C2orf69: variants seen among roughly 807,000 people sequenced by gnomAD.
C2orf69 encodes chromosome 2 open reading frame 69.
A neutral mutation model predicts 29.5 loss-of-function variants in C2orf69; 19 were observed. That is an observed-to-expected ratio of 0.65 (90% CI 0.45 to 0.95). The LOEUF (loss-of-function observed/expected upper bound fraction) is 0.95, where lower values mean the gene tolerates loss of function less well. Ranked by LOEUF, C2orf69 falls within the 40% of genes least tolerant of loss-of-function variation. C2orf69 has a pLI of 0.00. For synonymous variants in C2orf69, 194 were observed against 180.0 expected (o/e 1.08, Z -0.62); for missense variants, 416 against 482.1 (o/e 0.86, Z 1.28).
chr2:199,919,824 C>T (rs923592466), intron 1 of C2orf69, among the ~76,000 whole-genome samples: 1 of 152,204 alleles, frequency 6.6e-6, no homozygotes, highest in African/African-American at 2.4e-5. Context: ...ACATTCAAAC[C>T]GTAGCAGAAG....
chr2:199,925,412 T>A lies in C2orf69; in HGVS notation c.684T>A (p.Asn228Lys). Residue 228 changes from asparagine to lysine, a missense_variant, in exon 2 of 2, where the codon AAT becomes AAA. This residue lies in a region of C2orf69 where 225 missense variants were observed against 307.3 expected (regional missense o/e 0.73). Coordinates refer to ENST00000319974, the MANE Select transcript of C2orf69 (RefSeq NM_153689.6). The surrounding 1 kb of genome is among the most constrained non-coding windows in gnomAD (Gnocchi z 4.9). ...GATCCAGTCCTTCTCATACTACGAA[T>A]GGTTGCCAGGGAGAAAAAGTGAGGA... ...NCRSSPSHTT[N>K]GCQGEKVRTC... 6.2e-7 allele frequency: 1 copy of A among 1,613,840 alleles called. No homozygotes were observed. The highest frequency in any genetic ancestry group is 1.3e-5 in the African/African-American group (1 of 75,058).
rs1204266288 is a variant in C2orf69, at chr2:199,927,356, C to G, written c.*1470C>G. The G allele has an allele frequency of 6.8e-6, 1 of 148,108 alleles. No individual in the cohort carries two copies. The highest frequency in any genetic ancestry group is 1.5e-5 in the Non-Finnish European group (1 of 67,190). 9.2% of individuals were successfully genotyped at this position (148,108 alleles called of 1,614,324 possible). On this transcript the variant is annotated 3_prime_UTR_variant, in exon 2 of 2. Coordinates refer to ENST00000319974, the MANE Select transcript of C2orf69 (RefSeq NM_153689.6). ...CACTGAAGCTTAATACCTTAATGACCCAGAAGACCTAGATTTATAAAGCCA... is the reference window on the plus strand; with the variant it reads ...CACTGAAGCTTAATACCTTAATGACGCAGAAGACCTAGATTTATAAAGCCA...
In C2orf69 at chr2:199,926,083, T is replaced by C. The variant is rs891228194; in HGVS notation, c.*197T>C. ...GAATGTGAGCAGTTATTAATTTGGA[T>C]TGAGTTAGAATTAGTTAATTTGAAA... On this transcript the variant is annotated 3_prime_UTR_variant, in exon 2 of 2. Transcript: ENST00000319974. The C allele has an allele frequency of 2.6e-5, 14 of 530,856 alleles. No homozygotes were observed. Among genetic ancestry groups the C allele is most frequent in the Middle Eastern group, 4.9e-4 (1 of 2,048 alleles). The allele number at this position is 530,856 out of a possible 1,614,324, so 32.9% of individuals were successfully genotyped here.
chr2:199,911,463 TCGCCGCCGTTGCTGCTCCTGCTGC>T lies in C2orf69; in HGVS notation c.29_52del (p.Pro10_Pro17del), dbSNP rs1218170590. On this transcript the variant is annotated inframe_deletion, in exon 1 of 2. Transcript: ENST00000319974. ...CATGTGGGGGTTCAGGCTCCTGCGGTCGCCGCCGTTGCTGCTCCTGCTGCCGCAGCTCGGAATCGGAAACGCCTC... is the reference window on the plus strand; with the variant it reads ...CATGTGGGGGTTCAGGCTCCTGCGGTCGCAGCTCGGAATCGGAAACGCCTC... 1 of 1,544,112 alleles carries T rather than the reference TCGCCGCCGTTGCTGCTCCTGCTGC, an allele frequency of 6.5e-7. No homozygotes were observed. The highest frequency in any genetic ancestry group is 1.4e-5 in the African/African-American group (1 of 72,486).
chr2:199,911,950 G>T (rs2106636283), intron 1 of C2orf69, among the ~76,000 whole-genome samples, 179 bp downstream of exon 1: 1 of 152,288 alleles, frequency 6.6e-6, no homozygotes, highest in African/African-American at 2.4e-5. Flanking sequence ...CCACGCCCTT[G>T]GCGCCCTTTG....
chr2:199,913,052 TATAG>T (rs2077273164), intron 1 of C2orf69, among the ~76,000 whole-genome samples: 1 of 147,582 alleles, frequency 6.8e-6, no homozygotes, highest in Non-Finnish European at 1.5e-5. Flanking sequence ...AAGATATAGA[TATAG>T]ATATATAGAT....
Position 199,911,497 on chromosome 2 carries a change from G to C in C2orf69, c.59G>C (p.Gly20Ala), listed in dbSNP as rs1215209773. The C allele has an allele frequency of 6.5e-7, 1 of 1,547,646 alleles. No homozygotes were observed. Among genetic ancestry groups the C allele is most frequent in the South Asian group, 1.2e-5 (1 of 83,964 alleles). Residue 20 changes from glycine to alanine, a missense_variant, in exon 1 of 2, where the codon GGA becomes GCA. Coordinates refer to ENST00000319974, the MANE Select transcript of C2orf69 (RefSeq NM_153689.6). ...PPLLLLLPQL[G>A]IGNASSCSQA... ...TTGCTGCTCCTGCTGCCGCAGCTCG[G>C]AATCGGAAACGCCTCGTCCTGCTCT...
intron 1 of C2orf69, among the ~76,000 whole-genome samples, chr2:199,914,994 T>TTGTTCACCGATATAATCTGCGATGC: frequency 6.6e-6 from 1 of 152,364 alleles, no homozygotes; most frequent in South Asian, 2.1e-4. Flanking sequence ...AAGCTTACGT[T>TTGTTCACCGATATAATCTGCGATGC]TGTTCACCGA....
rs538925979 is a variant in C2orf69, at chr2:199,911,808, C to G, written c.333+37C>G. ...CCTGCCTGGGTATCTGTTCCTTCCTCTCGTGTATACGTACGCGGTCACTGA... is the reference window on the plus strand; with the variant it reads ...CCTGCCTGGGTATCTGTTCCTTCCTGTCGTGTATACGTACGCGGTCACTGA... On this transcript the variant is annotated intron_variant, in intron 1 of 1. Coordinates refer to ENST00000319974, the MANE Select transcript of C2orf69 (RefSeq NM_153689.6). The G allele has an allele frequency of 7.8e-6, 12 of 1,536,256 alleles. No homozygotes were observed. The East Asian group carries it at 1.7e-4, about 22-fold the overall frequency.
At chr2:199,918,396 C>CT (rs2077301618) in intron 1 of C2orf69, among the ~76,000 whole-genome samples, 1 of 151,992 alleles carries the variant, frequency 6.6e-6, no homozygotes, top group African/African-American at 2.4e-5. Context: ...GAGTCTTGCT[C>CT]TGTTGCCCAG....
chr2:199,926,733 G>T lies in C2orf69; in HGVS notation c.*847G>T, dbSNP rs1053656384. On this transcript the variant is annotated 3_prime_UTR_variant, in exon 2 of 2. Transcript: ENST00000319974. Reference sequence around the variant, plus strand: ...TCATTATTTTGGGTAAGACATTCTGGGGTTTCTTGAATCTTGTCCAAAAAC... The same window carrying T: ...TCATTATTTTGGGTAAGACATTCTGTGGTTTCTTGAATCTTGTCCAAAAAC... 6.6e-6 allele frequency: 1 copy of T among 152,448 alleles called. No individual in the cohort carries two copies. Among genetic ancestry groups the T allele is most frequent in the Non-Finnish European group, 1.5e-5 (1 of 67,992 alleles). The allele number at this position is 152,448 out of a possible 1,614,324, so 9.4% of individuals were successfully genotyped here. A position where few individuals can be genotyped will look rare whatever the true frequency, so the allele number is the denominator to read the frequency against.
chr2:199,913,808 A>G (rs1274999413), intron 1 of C2orf69, among the ~76,000 whole-genome samples: 2 of 151,970 alleles, frequency 1.3e-5, no homozygotes, highest in Non-Finnish European at 2.9e-5. Context: ...TTCCTAAAAT[A>G]ATGATGATGA....
intron 1 of C2orf69, among the ~76,000 whole-genome samples, chr2:199,922,873 C>G (rs1047742830): frequency 6.6e-6 from 1 of 152,182 alleles, no homozygotes; most frequent in Non-Finnish European, 1.5e-5. Flanking sequence ...ATATATCAGC[C>G]CTTGGCTCCA....
chr2:199,916,403 A>T (rs1438100659), intron 1 of C2orf69, among the ~76,000 whole-genome samples: 1 of 152,100 alleles, frequency 6.6e-6, no homozygotes, highest in African/African-American at 2.4e-5. Context: ...GCCCCTCCCA[A>T]ATTTCATGTC....
chr2:199,921,356 T>C (rs1376045339), intron 1 of C2orf69, among the ~76,000 whole-genome samples: 1 of 151,930 alleles, frequency 6.6e-6, no homozygotes, highest in Non-Finnish European at 1.5e-5. Flanking sequence ...ATTAGTGAAA[T>C]GTAACTTAGG....
chr2:199,915,135 G>A (rs2106636361), intron 1 of C2orf69, among the ~76,000 whole-genome samples: 1 of 152,294 alleles, frequency 6.6e-6, no homozygotes, highest in East Asian at 1.9e-4. Context: ...ATAAAATGCT[G>A]TTAGGCTGAT....
rs972746190 is a variant in C2orf69 at position 199,927,564 on chromosome 2, G to C, written c.*1678G>C. On this transcript the variant is annotated 3_prime_UTR_variant, in exon 2 of 2. Transcript: ENST00000319974. ...AACTGCAGAACAGCATCTCTAAATG[G>C]CTTTTTTTTTTTTTTTAAAGACAAA... The C allele has an allele frequency of 8.4e-6, 1 of 119,418 alleles. No individual in the cohort carries two copies. Among genetic ancestry groups the C allele is most frequent in the African/African-American group, 3.0e-5 (1 of 33,604 alleles). The allele number at this position is 119,418 out of a possible 1,614,324, so 7.4% of individuals were successfully genotyped here.
intron 1 of C2orf69, among the ~76,000 whole-genome samples, chr2:199,916,214 C>T (rs1436549174): frequency 2.6e-5 from 4 of 152,112 alleles, no homozygotes; most frequent in Non-Finnish European, 5.9e-5. Context: ...GGGGAGGCCC[C>T]TTGTAAAACC....
chr2:199,922,865 A>G (rs1056891971), intron 1 of C2orf69, among the ~76,000 whole-genome samples: 3 of 152,230 alleles, frequency 2.0e-5, no homozygotes, highest in African/African-American at 4.8e-5. Context: ...TTCAAAGCAT[A>G]TATCAGCCCT....
Sources: allele counts gnomAD v4.1 joint callset (sites outside exome capture counted in the v4.1 genomes callset), GRCh38; gene constraint gnomAD v4.1.1; regional missense constraint gnomAD v4.1.1; non-coding constraint Gnocchi (gnomAD v3.1); transcripts MANE v1.5; gene names NCBI Gene and HGNC (gene_info 2026-07-23, HGNC 2026-07-21).